SPATA19: variants seen among roughly 807,000 people sequenced by gnomAD.
SPATA19 encodes the protein spermatogenesis associated 19.
A neutral mutation model predicts 25.0 loss-of-function variants in SPATA19; 19 were observed. That is an observed-to-expected ratio of 0.76 (90% confidence interval 0.53 to 1.11). The LOEUF (loss-of-function observed/expected upper bound fraction) is 1.11, where lower values mean the gene tolerates loss of function less well. SPATA19 is among the 50% of genes most tolerant of loss of function. The pLI, the probability that SPATA19 is intolerant of heterozygous loss-of-function variation, is 0.00. For missense variants in SPATA19, 222 were observed against 211.4 expected, an observed-to-expected ratio of 1.05 and a Z score of -0.31; for synonymous variants, 64 against 69.3, an observed-to-expected ratio of 0.92 and a Z score of 0.38.
chr11:133,845,452 A>G lies in SPATA19; in HGVS notation c.-6T>C. The G allele has an allele frequency of 6.2e-7, 1 of 1,613,972 alleles. No individual in the cohort carries two copies. Among genetic ancestry groups the G allele is most frequent in the Non-Finnish European group, 8.5e-7 (1 of 1,179,946 alleles). ...ATCCATGTCGTAATTATCATCTTTG[A>G]ATGTATACCAGGCCCCCTTCTTGGC... On this transcript the variant is annotated 5_prime_UTR_variant, in exon 1 of 7. Coordinates refer to ENST00000299140, the MANE Select transcript of SPATA19 (RefSeq NM_174927.3).
downstream of SPATA19, among the ~76,000 whole-genome samples, chr11:133,840,240 C>T (rs1938277914): frequency 6.6e-6 from 1 of 151,966 alleles, no homozygotes; most frequent in African/African-American, 2.4e-5. Flanking sequence ...GACTCTCCAA[C>T]CATCAAAAAT....
At chr11:133,844,462 C>G (rs984441582) in intron 3 of SPATA19, 47 bp downstream of exon 3, 1 of 1,613,818 alleles carries the variant, frequency 6.2e-7, no homozygotes, top group African/African-American at 1.3e-5. Flanking sequence ...CACCTCTCCC[C>G]TCTCCCTCAC....
intron 6 of SPATA19, among the ~76,000 whole-genome samples, chr11:133,841,742 T>C (rs979717420): frequency 6.6e-6 from 1 of 152,144 alleles, no homozygotes; most frequent in Non-Finnish European, 1.5e-5. Flanking sequence ...CACAACCTCC[T>C]AAACACGAAA....
At chr11:133,842,229 C>T (rs1221152230) in intron 5 of SPATA19, 124 bp from the exon 6 acceptor site, 1 of 956,964 alleles carries the variant, frequency 1.0e-6, no homozygotes, top group African/African-American at 1.6e-5. Flanking sequence ...CCACACTGGG[C>T]CTGGGAGCAC....
At chr11:133,841,854 C>T (rs761249307) in intron 6 of SPATA19, among the ~76,000 whole-genome samples, 176 bp downstream of exon 6, 24 of 152,186 alleles carry the variant, frequency 1.6e-4, no homozygotes, top group Non-Finnish European at 2.8e-4. Flanking sequence ...TTAAGAGAGG[C>T]GTTGCGGGAG....
At chr11:133,842,846 G>A (rs921670287) in intron 4 of SPATA19, among the ~76,000 whole-genome samples, 1 of 152,036 alleles carries the variant, frequency 6.6e-6, no homozygotes, top group Non-Finnish European at 1.5e-5. Context: ...CAGTGGTCTC[G>A]TGAGCCGTGG....
Position 133,845,413 on chromosome 11 carries a change from C to A in SPATA19, c.34G>T (p.Ala12Ser), listed in dbSNP as rs1938399987. The A allele has an allele frequency of 6.2e-7, 1 of 1,614,036 alleles. No homozygotes were observed. The highest frequency in any genetic ancestry group is 1.1e-5 in the South Asian group (1 of 91,084). Residue 12 changes from alanine to serine, a missense_variant, in exon 1 of 7, where the codon GCT becomes TCT. By Grantham distance (99) the Ala-to-Ser change is moderately conservative (BLOSUM62 1). Transcript: ENST00000299140. ...IITTWIVYIL[A>S]RKGVGLPFLP... ...AAGGGAAGCCCTACACCTTTCCGAG[C>A]AAGAATATACACAATCCATGTCGTA...
chr11:133,837,834 C>A (rs1938238388), downstream of SPATA19, among the ~76,000 whole-genome samples: 1 of 152,138 alleles, frequency 6.6e-6, no homozygotes, highest in South Asian at 2.1e-4. Context: ...ATTATGTAAT[C>A]CCTGGTTATA....
chr11:133,844,174 G>T (rs1443904884), intron 4 of SPATA19, 72 bp downstream of exon 4: 3 of 1,243,476 alleles, frequency 2.4e-6, no homozygotes, highest in South Asian at 1.2e-5. Flanking sequence ...GAGCATCTGA[G>T]GGTTCGTGAA....
At chr11:133,842,154 G>A in intron 5 of SPATA19, 49 bp from the exon 6 acceptor site, 1 of 1,579,504 alleles carries the variant, frequency 6.3e-7, no homozygotes. Context: ...CTGCCTGATA[G>A]CAGAGCCTAC....
downstream of SPATA19, among the ~76,000 whole-genome samples, chr11:133,837,482 A>G (rs377183858): frequency 4.3e-4 from 65 of 152,322 alleles, 1 homozygote; most frequent in East Asian, 0.011. Context: ...GAGCTCTACT[A>G]GCTCCTCACA....
downstream of SPATA19, among the ~76,000 whole-genome samples, chr11:133,836,767 C>A (rs991281483): frequency 6.6e-6 from 1 of 152,206 alleles, no homozygotes; most frequent in Non-Finnish European, 1.5e-5. Flanking sequence ...TCATCTGCCT[C>A]ATCAAAATGA....
In SPATA19 at chr11:133,845,484, C is replaced by T; in HGVS notation, c.-38G>A. The T allele has an allele frequency of 6.2e-7, 1 of 1,610,622 alleles. No homozygotes were observed. Among genetic ancestry groups the T allele is most frequent in the East Asian group, 2.2e-5 (1 of 44,860 alleles). ...ACCAGGCCCCCTTCTTGGCTCCCTC[C>T]TTCCATTGAAGCTGCCTGAGAACTC... On this transcript the variant is annotated 5_prime_UTR_variant, in exon 1 of 7. Coordinates refer to ENST00000299140, the MANE Select transcript of SPATA19 (RefSeq NM_174927.3).
chr11:133,841,989 C>T, intron 6 of SPATA19, 41 bp downstream of exon 6: 2 of 1,580,182 alleles, frequency 1.3e-6, no homozygotes, highest in South Asian at 2.2e-5. Context: ...CCCAGGATAA[C>T]CATCTTCTCT....
intron 5 of SPATA19, 73 bp from the exon 6 acceptor site, chr11:133,842,178 C>T (rs1938323264): frequency 6.8e-7 from 1 of 1,479,896 alleles, no homozygotes; most frequent in Middle Eastern, 1.8e-4. Flanking sequence ...GACCACGGCA[C>T]AGGGGCTGCG....
downstream of SPATA19, among the ~76,000 whole-genome samples, chr11:133,839,168 A>G (rs943629959): frequency 3.9e-5 from 6 of 152,208 alleles, no homozygotes; most frequent in African/African-American, 1.4e-4. Flanking sequence ...TGACCCAGCC[A>G]TCCCATTACT....
chr11:133,843,107 C>T (rs1169338969), intron 4 of SPATA19, among the ~76,000 whole-genome samples: 1 of 152,114 alleles, frequency 6.6e-6, no homozygotes, highest in Non-Finnish European at 1.5e-5. Flanking sequence ...TAGGCGGAGG[C>T]TTTTGGTTTA....
At chr11:133,838,022 C>T (rs140352063), downstream of SPATA19, among the ~76,000 whole-genome samples, 2 of 152,290 alleles carry the variant, frequency 1.3e-5, no homozygotes, top group Non-Finnish European at 2.9e-5. Flanking sequence ...CATACAGCCT[C>T]ACACTAATGG....
rs1228522577 is a variant in SPATA19, at chr11:133,844,300, T to A, written c.305A>T (p.Asn102Ile). 4 of 1,614,106 alleles carry A rather than the reference T, an allele frequency of 2.5e-6. No homozygotes were observed. Among genetic ancestry groups the A allele is most frequent in the East Asian group, 4.5e-5 (2 of 44,866 alleles). The change falls in exon 4 of 7, where the codon AAC becomes ATC. Residue 102 changes from asparagine to isoleucine, a missense_variant. Asn to Ile is a moderately radical substitution (Grantham distance 149). Coordinates refer to ENST00000299140, the MANE Select transcript of SPATA19 (RefSeq NM_174927.3). Reference protein sequence around the residue: ...HHLSKSDLLANQSQEVLEERT... With the variant: ...HHLSKSDLLAIQSQEVLEERT... The stretch of plus-strand genomic sequence containing the variant: ...CTCCTCTAGGACCTCTTGGCTCTGG[T>A]TTGCCAACAAATCAGACTTAGAGAG...
Sources: allele counts gnomAD v4.1 joint callset (sites outside exome capture counted in the v4.1 genomes callset), GRCh38; gene constraint gnomAD v4.1.1; transcripts MANE v1.5; gene names NCBI Gene and HGNC (gene_info 2026-07-23, HGNC 2026-07-21).